The following COMMD1 variants were observed in gnomAD, a reference collection of about 807,000 sequenced individuals.
COMMD1 encodes the protein copper metabolism domain containing 1.
Under a neutral mutation model 17.2 loss-of-function variants are expected in COMMD1, and 10 were observed. The ratio of observed to expected loss-of-function variants is 0.58; its 90% confidence interval spans 0.36 to 0.99. The LOEUF (loss-of-function observed/expected upper bound fraction) is 0.99. Ranked by LOEUF, COMMD1 falls within the 50% of genes least tolerant of loss-of-function variation. COMMD1 has a pLI of 0.01. For synonymous variants in COMMD1, 97 were observed against 91.6 expected (o/e 1.06, Z -0.34); for missense variants, 270 against 231.8 (o/e 1.17, Z -1.07).
At chr2:61,953,841 T>G (rs1054583746) in intron 1 of COMMD1, among the ~76,000 whole-genome samples, 1 of 152,192 alleles carries the variant, frequency 6.6e-6, no homozygotes, top group African/African-American at 2.4e-5. Flanking sequence ...TAATTTTTAA[T>G]TTTTGTGGGT....
intron 2 of COMMD1, among the ~76,000 whole-genome samples, chr2:62,010,653 C>T (rs1387745091): frequency 6.6e-6 from 1 of 152,146 alleles, no homozygotes; most frequent in Non-Finnish European, 1.5e-5. Flanking sequence ...CAGTTAGTGG[C>T]ACCTCCATTC....
intron 2 of COMMD1, among the ~76,000 whole-genome samples, chr2:62,078,313 G>A (rs1206144542): frequency 2.0e-5 from 3 of 151,388 alleles, no homozygotes; most frequent in African/African-American, 7.3e-5. Context: ...CAGCACTTTG[G>A]GAGGCCGAGG....
rs540219018 is a variant in COMMD1, at chr2:62,127,749, C to T, written c.463-8082C>T. 1.3e-4 allele frequency among the ~76,000 whole-genome samples: 20 copies of T among 152,250 alleles called. No individual in the cohort carries two copies. The South Asian group carries it at 3.1e-3, about 24-fold the overall frequency. On this transcript the variant is annotated intron_variant, in intron 2 of 2. Transcript: ENST00000311832. ...CTCAAGATGAGGCCAGGGGGCCGGG[C>T]GTAGTGGCTCATGTCTGTAATCCCA...
intron 2 of COMMD1, among the ~76,000 whole-genome samples, chr2:62,015,907 A>C (rs930619712): frequency 5.3e-5 from 8 of 152,042 alleles, no homozygotes; most frequent in Non-Finnish European, 8.8e-5. Context: ...ATCTTGGCTC[A>C]CTGAAACCTC....
chr2:61,939,363 G>A (rs1354158472), intron 1 of COMMD1, among the ~76,000 whole-genome samples: 2 of 151,858 alleles, frequency 1.3e-5, no homozygotes, highest in Admixed American at 1.3e-4. Flanking sequence ...CTACTCGGGA[G>A]GCTGAGGCAA....
At chr2:62,073,182 T>A (rs929423375) in intron 2 of COMMD1, among the ~76,000 whole-genome samples, 6 of 152,208 alleles carry the variant, frequency 3.9e-5, no homozygotes, top group Non-Finnish European at 5.9e-5. Flanking sequence ...CCTATTGAAA[T>A]GGCCCTGCAA....
At chr2:61,892,538 C>CA (rs1312205421) in intron 1 of COMMD1, among the ~76,000 whole-genome samples, 1 of 151,714 alleles carries the variant, frequency 6.6e-6, no homozygotes, top group African/African-American at 2.4e-5. Context: ...ACTAAAAATA[C>CA]AAAAAATTAG....
At chr2:61,994,947 A>G (rs1386776809) in intron 1 of COMMD1, among the ~76,000 whole-genome samples, 11 of 152,120 alleles carry the variant, frequency 7.2e-5, no homozygotes, top group Non-Finnish European at 1.5e-5. Context: ...CCACTAGCAG[A>G]TAGGGGCATA....
intron 1 of COMMD1, chr2:61,915,712 G>T: frequency 2.2e-6 from 1 of 453,090 alleles, no homozygotes; most frequent in South Asian, 1.6e-5. Context: ...GTCCAGGGTG[G>T]TCTCAAATTC....
intron 2 of COMMD1, among the ~76,000 whole-genome samples, chr2:62,072,994 A>G (rs1298697976): frequency 6.6e-6 from 1 of 152,246 alleles, no homozygotes; most frequent in Non-Finnish European, 1.5e-5. Context: ...GCAGTCCGCC[A>G]GGCCGAGTGG....
intron 2 of COMMD1, among the ~76,000 whole-genome samples, chr2:62,113,924 T>A (rs1672521917): frequency 6.6e-6 from 1 of 152,262 alleles, no homozygotes; most frequent in Non-Finnish European, 1.5e-5. Context: ...TTTAGAATTT[T>A]CTTTTCTCTT....
intron 2 of COMMD1, among the ~76,000 whole-genome samples, chr2:62,084,265 T>C (rs1466354675): frequency 6.6e-6 from 1 of 152,224 alleles, no homozygotes; most frequent in Non-Finnish European, 1.5e-5. Context: ...TCTCAAAAAC[T>C]TAACTACTAA....
intron 1 of COMMD1, among the ~76,000 whole-genome samples, chr2:61,961,062 G>T (rs755928053): frequency 1.1e-4 from 17 of 152,230 alleles, no homozygotes; most frequent in Non-Finnish European, 2.5e-4. Flanking sequence ...GACTGCCCTA[G>T]AGGGGAAAGG....
intron 2 of COMMD1, among the ~76,000 whole-genome samples, chr2:62,123,233 C>T (rs1672795336): frequency 6.6e-6 from 1 of 151,912 alleles, no homozygotes; most frequent in Non-Finnish European, 1.5e-5. Context: ...GGGCCAGGCA[C>T]GGTGGCTCAC....
chr2:61,954,592 C>G (rs1671144506), intron 1 of COMMD1, among the ~76,000 whole-genome samples: 2 of 152,026 alleles, frequency 1.3e-5, no homozygotes, highest in Non-Finnish European at 2.9e-5. Context: ...ATCTTTTAGT[C>G]ATTTGCAACA....
intron 2 of COMMD1, among the ~76,000 whole-genome samples, chr2:62,056,750 G>A (rs912959595): frequency 7.2e-5 from 11 of 152,188 alleles, no homozygotes; most frequent in African/African-American, 2.7e-4. Context: ...AAAGACCCAT[G>A]AGTTGGGAAG....
chr2:62,092,284 T>C (rs879330052), intron 2 of COMMD1, among the ~76,000 whole-genome samples: 10 of 152,186 alleles, frequency 6.6e-5, no homozygotes, highest in Non-Finnish European at 1.3e-4. Context: ...GTTTTAGCAA[T>C]ATTCTATAGC....
intron 2 of COMMD1, among the ~76,000 whole-genome samples, chr2:62,006,641 A>G (rs1483926049): frequency 6.6e-6 from 1 of 152,226 alleles, no homozygotes; most frequent in East Asian, 1.9e-4. Context: ...TATCCAAAAG[A>G]TGAACATCAA....
intron 1 of COMMD1, among the ~76,000 whole-genome samples, chr2:61,982,724 A>C (rs1224160674): frequency 6.6e-6 from 1 of 152,022 alleles, no homozygotes; most frequent in Non-Finnish European, 1.5e-5. Flanking sequence ...TTTTTTTGAC[A>C]GTTTTCATCA....
Sources: allele counts gnomAD v4.1 joint callset (sites outside exome capture counted in the v4.1 genomes callset), GRCh38; gene constraint gnomAD v4.1.1; transcripts MANE v1.5; gene names NCBI Gene and HGNC (gene_info 2026-07-23, HGNC 2026-07-21).